The following NEO1 variants were observed in gnomAD, a reference collection of about 807,000 sequenced individuals.
NEO1 encodes neogenin 1, also known as neogenin.
A neutral mutation model predicts 159.7 loss-of-function variants in NEO1; 63 were observed. The observed-to-expected ratio is 0.39, with a 90% CI of 0.32 to 0.49. The LOEUF (loss-of-function observed/expected upper bound fraction) is 0.49. NEO1 is among the 20% of genes least tolerant of loss of function. The pLI is 0.85. For missense variants in NEO1, 1,615 were observed against 1,831.0 expected, an observed-to-expected ratio of 0.88 and a Z score of 2.15; for synonymous variants, 633 against 662.0, an observed-to-expected ratio of 0.96 and a Z score of 0.67.
intron 7 of NEO1, among the ~76,000 whole-genome samples, chr15:73,234,010 C>T (rs1374165021): frequency 1.3e-5 from 2 of 152,150 alleles, no homozygotes; most frequent in Non-Finnish European, 2.9e-5. Flanking sequence ...AGTCTTTGTA[C>T]TCGAAGTCCT....
At chr15:73,232,273 A>G (rs1027788138) in intron 7 of NEO1, among the ~76,000 whole-genome samples, 1 of 152,138 alleles carries the variant, frequency 6.6e-6, no homozygotes, top group Non-Finnish European at 1.5e-5. Flanking sequence ...GTGTGCAACC[A>G]CAGATGTTTT....
intron 16 of NEO1, among the ~76,000 whole-genome samples, chr15:73,268,302 C>G (rs1596536291): frequency 2.0e-5 from 3 of 152,312 alleles, no homozygotes; most frequent in African/African-American, 7.2e-5. Flanking sequence ...TTTGACATTA[C>G]TTCCTTTTAT....
At position 73,260,397 on chromosome 15, in the gene NEO1, T is replaced by G; in HGVS notation, c.2330T>G (p.Ile777Ser). ...VVRGYAIGYG[I>S]GSPHAQTIKV... ...AGAGGTTACGCCATTGGTTATGGCA[T>G]TGGCAGCCCTCATGCCCAGACCATC... The change falls in exon 15 of 29, where the codon ATT becomes AGT. Residue 777 changes from isoleucine to serine, a missense_variant. Transcript: ENST00000261908. The G allele has an allele frequency of 6.2e-7, 1 of 1,614,032 alleles. No homozygotes were observed. The highest frequency in any genetic ancestry group is 8.5e-7 in the Non-Finnish European group (1 of 1,179,972).
chr15:73,176,313 G>C (rs1364142222), intron 5 of NEO1, 90 bp from the exon 6 acceptor site: 1 of 875,928 alleles, frequency 1.1e-6, no homozygotes, highest in Non-Finnish European at 1.6e-6. Context: ...TAAAAATCCT[G>C]TGGATTTTAT....
At chr15:73,080,882 C>T (rs907990284) in intron 1 of NEO1, among the ~76,000 whole-genome samples, 1 of 152,048 alleles carries the variant, frequency 6.6e-6, no homozygotes, top group Admixed American at 6.5e-5. Flanking sequence ...CCTTAGATTT[C>T]AAGGATGCAT....
chr15:73,126,733 AG>A, intron 4 of NEO1, 163 bp downstream of exon 4: 1 of 547,988 alleles, frequency 1.8e-6, no homozygotes, highest in Non-Finnish European at 3.0e-6. Flanking sequence ...ATATATGATG[AG>A]GATATTTAAA....
At chr15:73,169,683 GTTTTCCAGAGTAATTATTTACTCTGCC>G (rs2034825522) in intron 5 of NEO1, among the ~76,000 whole-genome samples, 1 of 74,032 alleles carries the variant, frequency 1.4e-5, no homozygotes, top group Non-Finnish European at 2.9e-5. Context: ...CTTTTGCTGT[GTTTTCCAGAGTAATTATTTACTCTGCC>G]TTAGGGGGAG....
intron 7 of NEO1, among the ~76,000 whole-genome samples, chr15:73,220,635 TC>T (rs1423959166): frequency 9.2e-5 from 14 of 152,328 alleles, no homozygotes; most frequent in Non-Finnish European, 1.6e-4. Context: ...TTCTTTTTAT[TC>T]TTTTTTCTCT....
chr15:73,149,594 G>A (rs1323297016), intron 5 of NEO1, among the ~76,000 whole-genome samples: 1 of 145,284 alleles, frequency 6.9e-6, no homozygotes, highest in Non-Finnish European at 1.5e-5. Context: ...AGTGATTCTT[G>A]TGCAGAAAGT....
chr15:73,249,295 A>G (rs1249002949), intron 10 of NEO1, 87 bp downstream of exon 10: 10 of 1,382,680 alleles, frequency 7.2e-6, no homozygotes, highest in African/African-American at 1.4e-5. Flanking sequence ...CTTGACTGGA[A>G]ATGTGAGGGG....
At chr15:73,268,327 T>C (rs1463977420) in intron 16 of NEO1, among the ~76,000 whole-genome samples, 1 of 152,216 alleles carries the variant, frequency 6.6e-6, no homozygotes, top group Non-Finnish European at 1.5e-5. Context: ...CTTAAAAATA[T>C]AGCCTACTAG....
At chr15:73,156,327 G>A (rs1432172491) in intron 5 of NEO1, among the ~76,000 whole-genome samples, 1 of 152,162 alleles carries the variant, frequency 6.6e-6, no homozygotes, top group African/African-American at 2.4e-5. Flanking sequence ...TGCCTCATGG[G>A]TCCTTCAGTG....
intron 8 of NEO1, among the ~76,000 whole-genome samples, chr15:73,241,654 C>T (rs565219205): frequency 9.2e-5 from 14 of 152,274 alleles, no homozygotes; most frequent in African/African-American, 3.4e-4. Context: ...CCTTTTCTTT[C>T]CCTTTTGATT....
At position 73,260,274 on chromosome 15, in the gene NEO1, C is replaced by G; in HGVS notation, c.2207C>G (p.Thr736Ser). The G allele has an allele frequency of 6.2e-7, 1 of 1,606,386 alleles. No homozygotes were observed. Among genetic ancestry groups the G allele is most frequent in the East Asian group, 2.3e-5 (1 of 43,978 alleles). ...AETFESDLDETRVPEVPSSLH... is the reference protein window; with the variant it reads ...AETFESDLDESRVPEVPSSLH... ...CTTTTCCACTTTTCCTTCCCAGAAA[C>G]TCGTGTTCCTGAAGTGCCTAGCTCT... The change falls in exon 15 of 29, where the codon ACT (threonine) becomes AGT (serine). Residue 736 changes from threonine to serine, a missense_variant. Coordinates refer to ENST00000261908, the MANE Select transcript of NEO1 (RefSeq NM_002499.4).
At chr15:73,202,059 G>A (rs539889592) in intron 7 of NEO1, among the ~76,000 whole-genome samples, 2 of 149,650 alleles carry the variant, frequency 1.3e-5, no homozygotes, top group East Asian at 3.9e-4. Context: ...CAACTCCTGG[G>A]TTCAAGCGAT....
intron 1 of NEO1, among the ~76,000 whole-genome samples, chr15:73,068,222 T>TC (rs1245027191): frequency 4.5e-3 from 329 of 72,686 alleles, no homozygotes; most frequent in African/African-American, 0.011. Flanking sequence ...TTTGTCCCCC[T>TC]ACCCCCCCCC....
At chr15:73,263,362 T>G (rs1333332504) in intron 15 of NEO1, among the ~76,000 whole-genome samples, 1 of 151,974 alleles carries the variant, frequency 6.6e-6, no homozygotes, top group African/African-American at 2.4e-5. Context: ...CCCAGCTAAT[T>G]TTTGTATTTT....
At chr15:73,185,792 C>T (rs1313107717) in intron 7 of NEO1, among the ~76,000 whole-genome samples, 1 of 152,078 alleles carries the variant, frequency 6.6e-6, no homozygotes, top group Non-Finnish European at 1.5e-5. Context: ...GAACGTCATT[C>T]ATTGAACAGA....
chr15:73,302,672 C>T lies in NEO1; in HGVS notation c.4362C>T (p.Asp1454=), dbSNP rs768192323. 1 of 1,613,922 alleles carries T rather than the reference C, an allele frequency of 6.2e-7. No individual in the cohort carries two copies. Among genetic ancestry groups the T allele is most frequent in the East Asian group, 2.2e-5 (1 of 44,878 alleles). The change falls in exon 29 of 29, where the codon GAC becomes GAT. Residue 1454 remains aspartate, a synonymous_variant. Coordinates refer to ENST00000261908, the MANE Select transcript of NEO1 (RefSeq NM_002499.4). ...EMAHLEGLMK[D]LNAITTA is the part of the protein sequence containing the mutation. ...CCCACCTGGAAGGACTAATGAAGGA[C>T]CTAAACGCTATCACAACAGCATGAC...
Sources: gnomAD v4.1 joint callset for allele counts (sites outside exome capture counted in the v4.1 genomes callset) on GRCh38, gnomAD v4.1.1 for gene constraint, MANE v1.5 for transcripts, NCBI Gene and HGNC (gene_info 2026-07-23, HGNC 2026-07-21) for gene names.